The following RIN2 variants were observed in gnomAD, a reference collection of about 807,000 sequenced individuals.
The protein encoded by RIN2 is Ras and Rab interactor 2, also known as RAB5 interacting protein 2.
RIN2 carries 36 observed loss-of-function variants against 78.0 expected under a neutral mutation model. The ratio of observed to expected loss-of-function variants is 0.46; its 90% CI spans 0.35 to 0.61. RIN2 has a LOEUF of 0.61. Ranked by LOEUF, RIN2 falls within the 20% of genes least tolerant of loss-of-function variation. The pLI, the probability that RIN2 is intolerant of heterozygous loss-of-function variation, is 0.00. For missense variants in RIN2, 1,087 were observed against 1,159.7 expected, an observed-to-expected ratio of 0.94 and a Z score of 0.91; for synonymous variants, 466 against 466.8, an observed-to-expected ratio of 1.00 and a Z score of 0.02.
At chr20:19,850,185 A>G (rs1334424190) in intron 2 of RIN2, among the ~76,000 whole-genome samples, 1 of 152,232 alleles carries the variant, frequency 6.6e-6, no homozygotes, top group African/African-American at 2.4e-5. Flanking sequence ...AATTACTATT[A>G]ACAGACCTCC....
In RIN2 at chr20:19,851,465, G is replaced by A. The variant is rs140312040; in HGVS notation, c.-36-38101G>A. Among the ~76,000 whole-genome samples the A allele has an allele frequency of 6.9e-3, 1,055 of 152,264 alleles. 11 individuals are homozygous for A. The highest frequency in any genetic ancestry group is 0.024 in the African/African-American group (998 of 41,546). ...GGGCTGGGCATGATGGCTCAAGCCTGTAATCCCAGCACTTAAGGAGGCTGA... is the reference window on the plus strand; with the variant it reads ...GGGCTGGGCATGATGGCTCAAGCCTATAATCCCAGCACTTAAGGAGGCTGA... On this transcript the variant is annotated intron_variant, in intron 2 of 12. Coordinates refer to ENST00000255006, the MANE Select transcript of RIN2 (RefSeq NM_018993.4).
chr20:19,990,430 A>C (rs2042763643), intron 10 of RIN2, 119 bp downstream of exon 10: 2 of 947,970 alleles, frequency 2.1e-6, no homozygotes, highest in Non-Finnish European at 3.1e-6. Context: ...TGATTTCACC[A>C]AGTGGCTTAC....
intron 2 of RIN2, among the ~76,000 whole-genome samples, chr20:19,802,441 C>T (rs987283812): frequency 6.7e-6 from 1 of 150,220 alleles, no homozygotes; most frequent in Admixed American, 6.6e-5. Context: ...TCAAGATCAG[C>T]TTGGGCACTA....
intron 2 of RIN2, among the ~76,000 whole-genome samples, chr20:19,855,186 T>C (rs1346502985): frequency 6.6e-6 from 1 of 152,210 alleles, no homozygotes; most frequent in Non-Finnish European, 1.5e-5. Context: ...ATTACATTTA[T>C]TGATTTGCGT....
intron 5 of RIN2, among the ~76,000 whole-genome samples, chr20:19,959,264 A>T (rs1472895657): frequency 6.6e-6 from 1 of 152,142 alleles, no homozygotes; most frequent in African/African-American, 2.4e-5. Context: ...CAGTCCTCCA[A>T]AAAATAAGGC....
At chr20:19,882,908 T>C (rs2038068443) in intron 2 of RIN2, among the ~76,000 whole-genome samples, 1 of 152,226 alleles carries the variant, frequency 6.6e-6, no homozygotes, top group Admixed American at 6.5e-5. Context: ...AGGTATCTTA[T>C]GAATGCATAA....
chr20:19,836,492 A>C (rs972104003), intron 2 of RIN2, among the ~76,000 whole-genome samples: 9 of 152,338 alleles, frequency 5.9e-5, no homozygotes, highest in African/African-American at 2.2e-4. Flanking sequence ...TTAATTCCTC[A>C]CAGTTATGTC....
chr20:19,805,290 G>C (rs770418444), intron 2 of RIN2, among the ~76,000 whole-genome samples: 15 of 152,228 alleles, frequency 9.9e-5, no homozygotes, highest in Non-Finnish European at 1.8e-4. Context: ...GGTTACCACT[G>C]TGGGCACCAG....
rs1018196418 is a variant in RIN2, at chr20:19,839,771, T to C, written c.-37+40024T>C. ...AGGTCCTCCCCTTTCCCACTCACCC[T>C]CTGAATGAATCCTATCTAAAACACT... On this transcript the variant is annotated intron_variant, in intron 2 of 12. Coordinates refer to ENST00000255006, the MANE Select transcript of RIN2 (RefSeq NM_018993.4). Among the ~76,000 whole-genome samples, 13 of 152,266 alleles carry C rather than the reference T, an allele frequency of 8.5e-5. No homozygotes were observed. The South Asian group carries it at 2.7e-3, about 32-fold the overall frequency.
intron 4 of RIN2, among the ~76,000 whole-genome samples, chr20:19,945,382 T>C (rs2041049589): frequency 6.6e-6 from 1 of 152,206 alleles, no homozygotes; most frequent in Admixed American, 6.5e-5. Flanking sequence ...TGACTGAATG[T>C]GAAAGCCCCT....
intron 2 of RIN2, among the ~76,000 whole-genome samples, chr20:19,855,380 A>T (rs1309677962): frequency 6.6e-6 from 1 of 152,130 alleles, no homozygotes; most frequent in East Asian, 1.9e-4. Flanking sequence ...TGGTATCAGG[A>T]TGATGCTGGC....
intron 1 of RIN2, among the ~76,000 whole-genome samples, chr20:19,769,885 A>G (rs2034045537): frequency 6.6e-6 from 1 of 152,268 alleles, no homozygotes; most frequent in Non-Finnish European, 1.5e-5. Flanking sequence ...GGTATATTTC[A>G]CTTAGCTTAA....
At chr20:19,962,155 A>G (rs1192550482) in intron 6 of RIN2, among the ~76,000 whole-genome samples, 1 of 147,582 alleles carries the variant, frequency 6.8e-6, no homozygotes, top group African/African-American at 2.5e-5. Context: ...AAAAAAAAAA[A>G]TTAGCCAGGC....
intron 2 of RIN2, among the ~76,000 whole-genome samples, chr20:19,831,011 G>A (rs559261062): frequency 1.5e-4 from 23 of 152,240 alleles, no homozygotes; most frequent in African/African-American, 4.3e-4. Context: ...TCCCACGGGC[G>A]CTCCTTAATA....
At chr20:19,895,409 C>A (rs2038675906) in intron 3 of RIN2, among the ~76,000 whole-genome samples, 1 of 152,182 alleles carries the variant, frequency 6.6e-6, no homozygotes, top group African/African-American at 2.4e-5. Flanking sequence ...GCTTCCTGAG[C>A]AAGCCTGCCC....
At chr20:19,810,557 G>A (rs1394496413) in intron 2 of RIN2, among the ~76,000 whole-genome samples, 2 of 152,100 alleles carry the variant, frequency 1.3e-5, no homozygotes, top group African/African-American at 2.4e-5. Flanking sequence ...CCAGAGCCTC[G>A]GCAGAACATC....
At chr20:19,847,788 A>G (rs1220449545) in intron 2 of RIN2, among the ~76,000 whole-genome samples, 1 of 152,232 alleles carries the variant, frequency 6.6e-6, no homozygotes, top group Non-Finnish European at 1.5e-5. Context: ...TAATCTGGTT[A>G]CTAGAAAATT....
chr20:19,921,978 G>C (rs2039945218), intron 3 of RIN2, among the ~76,000 whole-genome samples: 2 of 152,212 alleles, frequency 1.3e-5, no homozygotes, highest in Non-Finnish European at 1.5e-5. Flanking sequence ...CGATTCTGCT[G>C]CCTCAGCCTC....
chr20:19,902,682 C>T (rs1170787891), intron 3 of RIN2, among the ~76,000 whole-genome samples: 1 of 152,154 alleles, frequency 6.6e-6, no homozygotes, highest in Non-Finnish European at 1.5e-5. Context: ...GGTTGCAGAT[C>T]TAGCAAATAA....
Sources: allele counts gnomAD v4.1 joint callset (sites outside exome capture counted in the v4.1 genomes callset), GRCh38; gene constraint gnomAD v4.1.1; transcripts MANE v1.5; gene names NCBI Gene and HGNC (gene_info 2026-07-23, HGNC 2026-07-21).